The following BLNK variants were observed in gnomAD, a reference collection of about 807,000 sequenced individuals.
The protein encoded by BLNK is B-cell linker protein.
A neutral mutation model predicts 73.5 loss-of-function variants in BLNK; 29 were observed. The observed-to-expected ratio is 0.39, with a 90% CI of 0.29 to 0.54. BLNK has a LOEUF of 0.54. Ranked by LOEUF, BLNK falls within the 20% of genes least tolerant of loss-of-function variation. The pLI is 0.61. For missense variants in BLNK, 460 were observed against 562.8 expected (o/e 0.82, Z 1.85); for synonymous variants, 176 against 200.8 (o/e 0.88, Z 1.04).
intron 2 of BLNK, among the ~76,000 whole-genome samples, chr10:96,243,356 G>A (rs1276744567): frequency 6.6e-6 from 1 of 152,106 alleles, no homozygotes; most frequent in Non-Finnish European, 1.5e-5. Context: ...ACCAGCCTGG[G>A]TAACATAGTG....
intron 16 of BLNK, 114 bp from the exon 17 acceptor site, chr10:96,192,206 A>G (rs587678167): frequency 7.2e-7 from 1 of 1,388,346 alleles, no homozygotes; most frequent in Non-Finnish European, 1.0e-6. Flanking sequence ...ACCCCAGCTG[A>G]CATTCTGCAC....
At chr10:96,193,523 GA>G (rs1554893988) in intron 16 of BLNK, among the ~76,000 whole-genome samples, 1 of 152,184 alleles carries the variant, frequency 6.6e-6, no homozygotes, top group East Asian at 1.9e-4. Flanking sequence ...GAGCTGAGTT[GA>G]AACATTTGAA....
intron 1 of BLNK, among the ~76,000 whole-genome samples, chr10:96,264,941 C>T (rs1589350007): frequency 6.6e-6 from 1 of 152,044 alleles, no homozygotes; most frequent in Non-Finnish European, 1.5e-5. Flanking sequence ...AGTGTGTGCA[C>T]CTCTGTCCAG....
At chr10:96,257,423 A>T (rs2134125280) in intron 1 of BLNK, among the ~76,000 whole-genome samples, 1 of 152,340 alleles carries the variant, frequency 6.6e-6, no homozygotes, top group African/African-American at 2.4e-5. Context: ...TACCAAAGGC[A>T]ATGGAATAAC....
At chr10:96,217,980 G>A (rs940933475) in intron 6 of BLNK, among the ~76,000 whole-genome samples, 1 of 152,132 alleles carries the variant, frequency 6.6e-6, no homozygotes, top group Non-Finnish European at 1.5e-5. Flanking sequence ...TGTGTATGGT[G>A]CGAGATTAGA....
intron 5 of BLNK, among the ~76,000 whole-genome samples, chr10:96,225,021 G>C (rs1403296559): frequency 6.6e-6 from 1 of 152,124 alleles, no homozygotes; most frequent in East Asian, 1.9e-4. Context: ...TTTAAAATGA[G>C]GATCGTAATA....
intron 12 of BLNK, 86 bp downstream of exon 12, chr10:96,204,446 T>C: frequency 7.3e-7 from 1 of 1,377,554 alleles, no homozygotes; most frequent in Non-Finnish European, 1.0e-6. Flanking sequence ...GCACTGCAAG[T>C]CAGTGTCACT....
rs587631101 is a variant in BLNK at position 96,232,460 on chromosome 10, A to G, written c.164-1626T>C. ...AGACCACCGGACTCCAGAGAGTCAA[A>G]CATTTGGGGTCTCCAGAGGCACCAG... On this transcript the variant is annotated intron_variant, in intron 3 of 16. Coordinates refer to ENST00000224337, the MANE Select transcript of BLNK (RefSeq NM_013314.4). Among the ~76,000 whole-genome samples, 23 of 152,240 alleles carry G rather than the reference A, an allele frequency of 1.5e-4. No homozygotes were observed. The East Asian group carries it at 3.9e-3, about 26-fold the overall frequency.
chr10:96,204,167 C>A, intron 12 of BLNK, 79 bp from the exon 13 acceptor site: 1 of 1,426,970 alleles, frequency 7.0e-7, no homozygotes. Flanking sequence ...ACTGATGATG[C>A]TGTGAACAGG....
chr10:96,195,643 C>T (rs1196247429), intron 16 of BLNK, among the ~76,000 whole-genome samples: 1 of 151,978 alleles, frequency 6.6e-6, no homozygotes, highest in Non-Finnish European at 1.5e-5. Flanking sequence ...TTGCTAGGGG[C>T]TGAAGGGAGG....
chr10:96,190,320 T>A lies in BLNK; in HGVS notation c.*1653A>T, dbSNP rs1453045950. On this transcript the variant is annotated 3_prime_UTR_variant, in exon 17 of 17. Coordinates refer to ENST00000224337, the MANE Select transcript of BLNK (RefSeq NM_013314.4). ...CAGGATGGAATCACGCCAGTAGTAT[T>A]GTTCCTGTGTGTCTCTTCATATAGT... is the stretch of plus-strand genomic sequence containing the variant. 1.7e-5 allele frequency: 10 copies of A among 582,236 alleles called. No homozygotes were observed. Among genetic ancestry groups the A allele is most frequent in the Non-Finnish European group, 2.5e-5 (8 of 320,436 alleles). 36.1% of individuals were successfully genotyped at this position (582,236 alleles called of 1,614,324 possible).
chr10:96,258,060 C>T (rs1392819466), intron 1 of BLNK, among the ~76,000 whole-genome samples: 1 of 146,306 alleles, frequency 6.8e-6, no homozygotes, highest in Non-Finnish European at 1.5e-5. Context: ...GACAACTTCT[C>T]CCCCTCCACT....
chr10:96,264,786 C>T (rs1843918058), intron 1 of BLNK, among the ~76,000 whole-genome samples: 1 of 152,124 alleles, frequency 6.6e-6, no homozygotes, highest in Non-Finnish European at 1.5e-5. Flanking sequence ...CAAATACATG[C>T]CTCTTGGACA....
intron 3 of BLNK, among the ~76,000 whole-genome samples, chr10:96,241,870 T>C (rs1363773538): frequency 1.3e-5 from 2 of 152,096 alleles, no homozygotes; most frequent in African/African-American, 4.8e-5. Context: ...TACAGGTGCA[T>C]GCCACCACAC....
At chr10:96,260,077 A>G (rs1297283865) in intron 1 of BLNK, among the ~76,000 whole-genome samples, 1 of 152,144 alleles carries the variant, frequency 6.6e-6, no homozygotes, top group Non-Finnish European at 1.5e-5. Context: ...CCTTTAGCAC[A>G]TTGGAATGCT....
intron 16 of BLNK, among the ~76,000 whole-genome samples, chr10:96,193,615 C>A (rs1255347270): frequency 6.6e-6 from 1 of 152,182 alleles, no homozygotes; most frequent in Non-Finnish European, 1.5e-5. Flanking sequence ...TCCCCTCACT[C>A]TCCTTTTTTT....
chr10:96,271,077 TTTTA>T (rs1554915591), intron 1 of BLNK, among the ~76,000 whole-genome samples: 1 of 152,228 alleles, frequency 6.6e-6, no homozygotes, highest in Non-Finnish European at 1.5e-5. Context: ...TTGGCATTTG[TTTTA>T]TTATCTTTCC....
At chr10:96,243,908 T>C (rs1471766498) in intron 2 of BLNK, among the ~76,000 whole-genome samples, 1 of 152,142 alleles carries the variant, frequency 6.6e-6, no homozygotes, top group Non-Finnish European at 1.5e-5. Context: ...ATAAAACTTA[T>C]ATCCAGTAGC....
In BLNK at chr10:96,223,675, A is replaced by G. The variant is rs961274271; in HGVS notation, c.525+151T>C. ...TTTACAATAAGCCATTTTGGAGAAA[A>G]CCAAGTCCCTTTGGTATAATAGTGG... On this transcript the variant is annotated intron_variant, in intron 6 of 16. Transcript: ENST00000224337. 27 of 937,780 alleles carry G rather than the reference A, an allele frequency of 2.9e-5. 1 individual carries two copies. The African/African-American group carries it at 4.1e-4, about 14-fold the overall frequency. 58.1% of individuals were successfully genotyped at this position (937,780 alleles called of 1,614,324 possible). A position where few individuals can be genotyped will look rare whatever the true frequency, so the allele number is the denominator to read the frequency against.
Sources: allele counts gnomAD v4.1 joint callset (sites outside exome capture counted in the v4.1 genomes callset), GRCh38; gene constraint gnomAD v4.1.1; transcripts MANE v1.5; gene names NCBI Gene and HGNC (gene_info 2026-07-23, HGNC 2026-07-21).